VPS8: variants seen among roughly 807,000 people sequenced by gnomAD.
VPS8 encodes VPS8 subunit of CORVET complex, also known as vacuolar protein sorting-associated protein 8 homolog.
In VPS8, 129 loss-of-function variants were observed where a neutral mutation model predicts 216.4. The ratio of observed to expected loss-of-function variants is 0.60; its 90% CI spans 0.52 to 0.69. The LOEUF (loss-of-function observed/expected upper bound fraction) is 0.69. Ranked by LOEUF, VPS8 falls within the 30% of genes least tolerant of loss-of-function variation. The pLI is 0.00. For synonymous variants in VPS8, 571 were observed against 565.4 expected (o/e 1.01, Z -0.14); for missense variants, 1,531 against 1,683.5 (o/e 0.91, Z 1.59).
chr3:184,977,884 C>CTTTTTT (rs55727843), intron 40 of VPS8, among the ~76,000 whole-genome samples: 5 of 131,278 alleles, frequency 3.8e-5, no homozygotes, highest in African/African-American at 5.6e-5. Context: ...TTTCTTTTTT[C>CTTTTTT]TTTTTTTTTT....
At chr3:184,839,975 A>G (rs1189396311) in intron 7 of VPS8, 22 of 1,181,946 alleles carry the variant, frequency 1.9e-5, no homozygotes, top group South Asian at 1.5e-4. Flanking sequence ...TTTATAAGCT[A>G]TCATATCTAT....
intron 36 of VPS8, among the ~76,000 whole-genome samples, chr3:184,955,193 T>G (rs1488270976): frequency 6.6e-6 from 1 of 152,168 alleles, no homozygotes; most frequent in African/African-American, 2.4e-5. Context: ...CTGCCCGCAG[T>G]CATCTGGAGG....
At chr3:184,893,075 A>T (rs1732681386) in intron 22 of VPS8, among the ~76,000 whole-genome samples, 1 of 152,222 alleles carries the variant, frequency 6.6e-6, no homozygotes, top group Non-Finnish European at 1.5e-5. Flanking sequence ...TAAATATGAA[A>T]TGGAGGGGAA....
At chr3:184,913,403 A>T in intron 25 of VPS8, 116 bp from the exon 26 acceptor site, 1 of 827,748 alleles carries the variant, frequency 1.2e-6, no homozygotes, top group Non-Finnish European at 1.9e-6. Context: ...GTTATTTGGG[A>T]ATATACTTAC....
Position 185,024,362 on chromosome 3 carries a change from G to T in VPS8, c.4029G>T (p.Gln1343His), listed in dbSNP as rs1757063934. 2 of 1,598,606 alleles carry T rather than the reference G, an allele frequency of 1.3e-6. No individual in the cohort carries two copies. The highest frequency in any genetic ancestry group is 2.2e-5 in the East Asian group (1 of 44,650). ...SQVKMSPSYH[Q>H]SKGDPTAKKG... is the part of the protein sequence containing the mutation. Reference sequence around the variant, plus strand: ...TAAAAATGTCTCCATCGTATCATCAGTCCAAAGGGGATCCCACTGCTAAAA... The same window carrying T: ...TAAAAATGTCTCCATCGTATCATCATTCCAAAGGGGATCCCACTGCTAAAA... Residue 1343 changes from glutamine to histidine, a missense_variant, in exon 46 of 48, where the codon CAG (glutamine) becomes CAT (histidine). Physicochemically the swap from Gln to His is conservative, Grantham distance 24. This residue lies in a region of VPS8 where 1,318 missense variants were observed against 1,468.4 expected (regional missense o/e 0.90). Coordinates refer to ENST00000625842, the MANE Select transcript of VPS8 (RefSeq NM_001009921.3).
intron 1 of VPS8, among the ~76,000 whole-genome samples, chr3:184,819,513 C>G (rs1044406511): frequency 1.1e-4 from 16 of 152,134 alleles, no homozygotes; most frequent in East Asian, 7.7e-4. Flanking sequence ...ATAGCTGAAG[C>G]AGGATCAGTA....
chr3:184,944,623 GTATGATT>G, intron 36 of VPS8: 1 of 978,516 alleles, frequency 1.0e-6, no homozygotes, highest in Non-Finnish European at 1.2e-6. Flanking sequence ...ATTTTCCTCA[GTATGATT>G]TTCCTGGTAA....
rs536490686 is a variant in VPS8 at position 184,857,052 on chromosome 3, A to G, written c.1143+1234A>G. 1.2e-4 allele frequency among the ~76,000 whole-genome samples: 18 copies of G among 152,274 alleles called. No homozygotes were observed. In the South Asian group the frequency reaches 3.5e-3, roughly 30 times the overall value. On this transcript the variant is annotated intron_variant, in intron 14 of 47. Transcript: ENST00000625842. ...CAGCACTTTTAAAATTACTTGTCTA[A>G]TATTTTTCTTCCCCACTAGACAGAA... is the stretch of plus-strand genomic sequence containing the variant.
intron 45 of VPS8, among the ~76,000 whole-genome samples, chr3:185,004,477 AGGGAGAGGGAGACCGTG>A (rs1277760416): frequency 4.7e-5 from 7 of 149,270 alleles, no homozygotes; most frequent in South Asian, 2.1e-4. Context: ...GTGGAAAGAG[AGGGAGAGGGAGACCGTG>A]GGGAGAGGGA....
At position 184,953,560 on chromosome 3, in the gene VPS8, G is replaced by C. The variant is rs568958314; in HGVS notation, c.3036-3814G>C. 1.3e-4 allele frequency among the ~76,000 whole-genome samples: 20 copies of C among 152,200 alleles called. No homozygotes were observed. In the South Asian group the frequency reaches 1.5e-3, roughly 11 times the overall value. On this transcript the variant is annotated intron_variant, in intron 36 of 47. Transcript: ENST00000625842. ...CAGCAGACAGAGCTCAGTCCTCAGG[G>C]GCCCCCTTATCTGAGTTCTGCATGA...
chr3:184,966,973 C>CTTTT (rs11382420), intron 39 of VPS8, among the ~76,000 whole-genome samples: 2 of 146,064 alleles, frequency 1.4e-5, no homozygotes, highest in Non-Finnish European at 1.5e-5. Context: ...TGTTGGTTAT[C>CTTTT]TTTTTTTTTT....
intron 46 of VPS8, among the ~76,000 whole-genome samples, chr3:185,027,873 T>C (rs1341228095): frequency 6.6e-6 from 1 of 152,216 alleles, no homozygotes; most frequent in Non-Finnish European, 1.5e-5. Flanking sequence ...TGTGATCAGA[T>C]GCAGACTTAT....
chr3:184,845,209 T>C (rs903610355), intron 8 of VPS8, among the ~76,000 whole-genome samples: 2 of 152,226 alleles, frequency 1.3e-5, no homozygotes, highest in African/African-American at 4.8e-5. Context: ...CATTTTCACC[T>C]TCTGTCCAGG....
intron 28 of VPS8, among the ~76,000 whole-genome samples, chr3:184,916,768 G>A (rs1378890639): frequency 6.6e-6 from 1 of 151,936 alleles, no homozygotes; most frequent in Admixed American, 6.6e-5. Flanking sequence ...TGGAGGAGGA[G>A]GTTTAGAAAG....
chr3:184,991,014 G>A (rs4269065), intron 42 of VPS8, among the ~76,000 whole-genome samples: 137,094 of 152,056 alleles, frequency 0.9, 62,809 homozygotes, highest in Non-Finnish European at 0.98. Context: ...TTGCTGTATG[G>A]CTGAAGTAAC....
chr3:184,920,203 G>A lies in VPS8; in HGVS notation c.2454+5G>A. ...ATTGTGGATATTTTGTTGAAAGTAA[G>A]TATTCAAAGAATACATGTCTTTATA... On this transcript the variant is annotated splice_donor_5th_base_variant and intron_variant, in intron 29 of 47. Transcript: ENST00000625842. 1 of 1,512,546 alleles carries A rather than the reference G, an allele frequency of 6.6e-7. No homozygotes were observed. Among genetic ancestry groups the A allele is most frequent in the Non-Finnish European group, 8.9e-7 (1 of 1,128,522 alleles). The allele number at this position is 1,512,546 out of a possible 1,614,324, so 93.7% of individuals were successfully genotyped here. A position where few individuals can be genotyped will look rare whatever the true frequency, so the allele number is the denominator to read the frequency against.
chr3:184,894,531 T>TATATATATATATATAC (rs1186136967), intron 22 of VPS8, among the ~76,000 whole-genome samples, 172 bp from the exon 23 acceptor site: 96 of 98,960 alleles, frequency 9.7e-4, no homozygotes, highest in Middle Eastern at 6.1e-3. Flanking sequence ...TATATATATA[T>TATATATATATATATAC]ACACACACAC....
chr3:184,922,448 G>A (rs1386772175), intron 29 of VPS8: 1 of 454,356 alleles, frequency 2.2e-6, no homozygotes, highest in East Asian at 7.0e-5. Context: ...AACAGATCCA[G>A]CACAATGCCT....
intron 22 of VPS8, chr3:184,893,295 G>A: frequency 7.8e-7 from 1 of 1,287,456 alleles, no homozygotes; most frequent in East Asian, 5.6e-5. Context: ...TGTTTTTGTG[G>A]AACTTGTCAT....
Sources: allele counts gnomAD v4.1 joint callset (sites outside exome capture counted in the v4.1 genomes callset), GRCh38; gene constraint gnomAD v4.1.1; regional missense constraint gnomAD v4.1.1; transcripts MANE v1.5; gene names NCBI Gene and HGNC (gene_info 2026-07-23, HGNC 2026-07-21).